LPP: variants seen among roughly 807,000 people sequenced by gnomAD.
The protein encoded by LPP is lipoma-preferred partner.
Under a neutral mutation model 60.4 loss-of-function variants are expected in LPP, and 38 were observed. That is an observed-to-expected ratio of 0.63 (90% CI 0.49 to 0.83). LPP has a LOEUF of 0.83. Ranked by LOEUF, LPP falls within the 40% of genes least tolerant of loss-of-function variation. The pLI, the probability that LPP is intolerant of heterozygous loss-of-function variation, is 0.00. For missense variants in LPP, 902 were observed against 783.6 expected, an observed-to-expected ratio of 1.15 and a Z score of -1.80; for synonymous variants, 328 against 290.8, an observed-to-expected ratio of 1.13 and a Z score of -1.30.
rs1269705620 is a variant in LPP at position 188,524,582 on chromosome 3, C to T, written c.307-83C>T. 2.8e-6 allele frequency: 4 copies of T among 1,421,942 alleles called. No homozygotes were observed. In the East Asian group the frequency reaches 1.0e-4, roughly 36 times the overall value. 88.1% of individuals were successfully genotyped at this position (1,421,942 alleles called of 1,614,324 possible). On this transcript the variant is annotated intron_variant, in intron 5 of 11. Coordinates refer to ENST00000617246, the MANE Select transcript of LPP (RefSeq NM_001375462.1). ...AGGTGCAGAAAAACTTGGACAAAGC[C>T]ACATTATAACTTGAGAAATTTGAAC... is the stretch of plus-strand genomic sequence containing the variant.
At chr3:188,183,634 C>T (rs1230923242) in intron 1 of LPP, among the ~76,000 whole-genome samples, 1 of 151,686 alleles carries the variant, frequency 6.6e-6, no homozygotes, top group African/African-American at 2.4e-5. Flanking sequence ...CGTGGCAAAG[C>T]GGAATAGAAC....
intron 8 of LPP, among the ~76,000 whole-genome samples, chr3:188,713,698 CT>C (rs1712588558): frequency 6.6e-6 from 1 of 152,072 alleles, no homozygotes; most frequent in Non-Finnish European, 1.5e-5. Flanking sequence ...GCAGAATCAC[CT>C]CAGGTTAAAA....
intron 6 of LPP, among the ~76,000 whole-genome samples, chr3:188,526,792 T>G (rs1168119706): frequency 6.6e-6 from 1 of 152,096 alleles, no homozygotes; most frequent in African/African-American, 2.4e-5. Flanking sequence ...GGCACTGTGG[T>G]CTTTTGGGGG....
intron 6 of LPP, among the ~76,000 whole-genome samples, chr3:188,526,759 G>C (rs570132298): frequency 1.3e-5 from 2 of 152,148 alleles, no homozygotes; most frequent in Non-Finnish European, 2.9e-5. Flanking sequence ...CCCTGTAAAT[G>C]TGTACTGAAC....
intron 7 of LPP, among the ~76,000 whole-genome samples, chr3:188,625,835 C>A (rs534711090): frequency 6.6e-6 from 1 of 152,124 alleles, no homozygotes; most frequent in East Asian, 1.9e-4. Flanking sequence ...ATTTCAGAAG[C>A]CAAATAAATG....
intron 9 of LPP, among the ~76,000 whole-genome samples, chr3:188,766,378 C>CAAAAAAAAAAAAAAAAAAAAAAAAAAAAA (rs142374028): frequency 1.6e-5 from 2 of 124,652 alleles, no homozygotes; most frequent in African/African-American, 2.8e-5. Context: ...CCTTAAAAAG[C>CAAAAAAAAAAAAAAAAAAAAAAAAAAAAA]AAAAAAAAAA....
chr3:188,786,395 A>G (rs76027412), intron 9 of LPP, among the ~76,000 whole-genome samples: 2 of 148,570 alleles, frequency 1.3e-5, no homozygotes, highest in African/African-American at 2.5e-5. Context: ...AAAAAAAAAA[A>G]AAAAAAAAAA....
intron 1 of LPP, among the ~76,000 whole-genome samples, chr3:188,166,442 T>C (rs1719976639): frequency 6.6e-6 from 1 of 152,224 alleles, no homozygotes; most frequent in Admixed American, 6.5e-5. Context: ...AGGATCCTGG[T>C]CAAAATGGAC....
intron 9 of LPP, among the ~76,000 whole-genome samples, chr3:188,851,486 A>G (rs1472893316): frequency 1.3e-5 from 2 of 152,236 alleles, no homozygotes; most frequent in Non-Finnish European, 2.9e-5. Context: ...TGTATGGAGG[A>G]GGAAAGTCTA....
chr3:188,384,429 C>A (rs1190076063), intron 3 of LPP, among the ~76,000 whole-genome samples: 2 of 151,892 alleles, frequency 1.3e-5, no homozygotes, highest in Non-Finnish European at 2.9e-5. Flanking sequence ...AGCAGATGGG[C>A]AACCCTGATG....
intron 1 of LPP, among the ~76,000 whole-genome samples, chr3:188,157,844 C>T (rs1409745286): frequency 2.0e-5 from 3 of 151,526 alleles, no homozygotes; most frequent in Non-Finnish European, 4.4e-5. Context: ...AGGAGTTGTC[C>T]AGGTGGAAGA....
chr3:188,807,956 T>C (rs974994465), intron 9 of LPP, among the ~76,000 whole-genome samples: 1 of 152,206 alleles, frequency 6.6e-6, no homozygotes, highest in African/African-American at 2.4e-5. Context: ...TATAGGATAA[T>C]AAAGATAGGC....
chr3:188,814,121 A>C (rs1025954067), intron 9 of LPP, among the ~76,000 whole-genome samples: 1 of 151,902 alleles, frequency 6.6e-6, no homozygotes, highest in Admixed American at 6.6e-5. Context: ...ACATACAGAC[A>C]CACACACACA....
At chr3:188,769,064 A>G (rs1052572099) in intron 9 of LPP, among the ~76,000 whole-genome samples, 2 of 152,216 alleles carry the variant, frequency 1.3e-5, no homozygotes, top group Admixed American at 6.5e-5. Flanking sequence ...TAGGTTTAGA[A>G]TATATAACAG....
At chr3:188,532,041 G>A (rs1311023798) in intron 6 of LPP, among the ~76,000 whole-genome samples, 1 of 152,016 alleles carries the variant, frequency 6.6e-6, no homozygotes, top group Non-Finnish European at 1.5e-5. Flanking sequence ...ACTGAATTGA[G>A]TCATAAAACA....
intron 6 of LPP, among the ~76,000 whole-genome samples, chr3:188,558,993 T>C (rs1830085450): frequency 6.6e-6 from 1 of 152,086 alleles, no homozygotes; most frequent in South Asian, 2.1e-4. Flanking sequence ...GACGGTATTA[T>C]AGAGATTAGG....
intron 5 of LPP, among the ~76,000 whole-genome samples, chr3:188,485,454 A>G (rs1806098230): frequency 6.6e-6 from 1 of 152,240 alleles, no homozygotes; most frequent in African/African-American, 2.4e-5. Flanking sequence ...CATTGAAGAA[A>G]AAAATGAGTC....
At chr3:188,279,311 C>T (rs538343345) in intron 2 of LPP, among the ~76,000 whole-genome samples, 2 of 152,346 alleles carry the variant, frequency 1.3e-5, no homozygotes, top group South Asian at 4.1e-4. Context: ...ATGCCTCAGA[C>T]TCACCCTCTA....
rs545919358 is a variant in LPP at position 188,637,402 on chromosome 3, G to C, written c.1113+27558G>C. ...AATTTATAGCACTAAATGCCCACAA[G>C]AGAAAGCAGGAAAGATCCAAAATTG... On this transcript the variant is annotated intron_variant, in intron 7 of 11. Transcript: ENST00000617246. Among the ~76,000 whole-genome samples the C allele has an allele frequency of 3.3e-5, 5 of 152,092 alleles. No homozygotes were observed. In the South Asian group the frequency reaches 1.0e-3, roughly 32 times the overall value.
Sources: gnomAD v4.1 joint callset for allele counts (sites outside exome capture counted in the v4.1 genomes callset) on GRCh38, gnomAD v4.1.1 for gene constraint, MANE v1.5 for transcripts, NCBI Gene and HGNC (gene_info 2026-07-23, HGNC 2026-07-21) for gene names.